Variants in PATJ observed in about 807,000 individuals in gnomAD.
PATJ encodes the protein inaD-like protein.
A neutral mutation model predicts 224.9 loss-of-function variants in PATJ; 190 were observed. The ratio of observed to expected loss-of-function variants is 0.84; its 90% CI spans 0.75 to 0.95. The LOEUF (loss-of-function observed/expected upper bound fraction) is 0.95. Ranked by LOEUF, PATJ falls within the 40% of genes least tolerant of loss-of-function variation. The probability of loss-of-function intolerance (pLI) is 0.00; values close to 1 mark genes in which losing one functional copy is unlikely to be tolerated. For missense variants in PATJ, 2,121 were observed against 2,270.3 expected (o/e 0.93, Z 1.34); for synonymous variants, 769 against 820.3 (o/e 0.94, Z 1.07).
chr1:62,102,216 G>A (rs549706367), intron 33 of PATJ, among the ~76,000 whole-genome samples: 16 of 145,542 alleles, frequency 1.1e-4, no homozygotes, highest in Non-Finnish European at 2.3e-4. Context: ...TAAATAAAAC[G>A]TTCAAAAGGA....
intron 13 of PATJ, among the ~76,000 whole-genome samples, chr1:61,805,865 T>C (rs1379828935): frequency 2.0e-5 from 3 of 152,246 alleles, no homozygotes; most frequent in Non-Finnish European, 2.9e-5. Flanking sequence ...TGCTGGCATT[T>C]TTATGATTGC....
At chr1:61,793,532 G>A (rs1189417963) in intron 9 of PATJ, among the ~76,000 whole-genome samples, 1 of 152,044 alleles carries the variant, frequency 6.6e-6, no homozygotes, top group African/African-American at 2.4e-5. Flanking sequence ...CTTGAGCCCA[G>A]GAGTTCAAGA....
chr1:61,814,547 T>TGTGTGTGTGTGTGTGCGC (rs370488022), intron 14 of PATJ, among the ~76,000 whole-genome samples: 178 of 142,554 alleles, frequency 1.2e-3, no homozygotes, highest in African/African-American at 4.5e-3. Flanking sequence ...TGTGTGTGTG[T>TGTGTGTGTGTGTGTGCGC]GCGCGCGCGC....
At chr1:62,045,438 T>C (rs370645530) in intron 30 of PATJ, among the ~76,000 whole-genome samples, 17 of 152,234 alleles carry the variant, frequency 1.1e-4, no homozygotes, top group African/African-American at 3.4e-4. Flanking sequence ...ATGTGGAAGA[T>C]TTTGGGAGAG....
intron 39 of PATJ, among the ~76,000 whole-genome samples, chr1:62,124,523 G>C (rs1005829569): frequency 6.6e-6 from 1 of 152,210 alleles, no homozygotes; most frequent in Admixed American, 6.5e-5. Context: ...TGATACCTCT[G>C]TTTGAAGGCA....
At chr1:62,053,240 T>C (rs1255090943) in intron 31 of PATJ, among the ~76,000 whole-genome samples, 1 of 152,226 alleles carries the variant, frequency 6.6e-6, no homozygotes. Context: ...CCCATACCCA[T>C]TGACTAGTGT....
intron 7 of PATJ, among the ~76,000 whole-genome samples, chr1:61,781,115 A>G (rs976418631): frequency 3.3e-5 from 5 of 152,200 alleles, no homozygotes; most frequent in Non-Finnish European, 7.3e-5. Context: ...GTGAGCCACA[A>G]AGTCAGGATT....
chr1:62,078,154 T>C (rs1658640059), intron 31 of PATJ, among the ~76,000 whole-genome samples: 2 of 152,238 alleles, frequency 1.3e-5, no homozygotes, highest in South Asian at 4.1e-4. Flanking sequence ...TACCAGACTC[T>C]TCCAGCTGGG....
rs1404312822 is a variant in PATJ, at chr1:61,797,347, G to A, written c.1321G>A (p.Ala441Thr). 7 of 1,613,864 alleles carry A rather than the reference G, an allele frequency of 4.3e-6. No individual in the cohort carries two copies. Among genetic ancestry groups the A allele is most frequent in the Non-Finnish European group, 5.9e-6 (7 of 1,179,846 alleles). Residue 441 changes from alanine to threonine, a missense_variant, in exon 11 of 44, where the codon GCA becomes ACA. Coordinates refer to ENST00000642238, the MANE Select transcript of PATJ (RefSeq NM_001350145.3). ...TGATGTTGTTGAAGTATTACGAAAT[G>A]CAGGGCAGGTGGTACACCTAACCCT... Reference protein sequence around the residue: ...NHDVVEVLRNAGQVVHLTLVR... With the variant: ...NHDVVEVLRNTGQVVHLTLVR...
chr1:61,794,681 T>C (rs772434695), intron 9 of PATJ, among the ~76,000 whole-genome samples: 21 of 151,992 alleles, frequency 1.4e-4, no homozygotes, highest in Non-Finnish European at 2.8e-4. Context: ...TTGTTGTTGT[T>C]GTTAAGACCA....
intron 24 of PATJ, among the ~76,000 whole-genome samples, chr1:61,903,700 T>C (rs1671495496): frequency 1.3e-5 from 2 of 152,134 alleles, no homozygotes; most frequent in South Asian, 4.2e-4. Flanking sequence ...TATTAGTTAC[T>C]TTTTGCCTTA....
At chr1:62,133,578 C>T (rs1006246895) in intron 41 of PATJ, among the ~76,000 whole-genome samples, 6 of 151,984 alleles carry the variant, frequency 3.9e-5, no homozygotes, top group South Asian at 2.1e-4. Flanking sequence ...GACACCGTCT[C>T]GAGAAAAAAG....
chr1:62,160,243 T>C (rs1669715507), intron 43 of PATJ, among the ~76,000 whole-genome samples: 1 of 152,158 alleles, frequency 6.6e-6, no homozygotes, highest in African/African-American at 2.4e-5. Flanking sequence ...TTTCACTGGC[T>C]TTGTGCCGTT....
At chr1:62,147,090 G>A (rs1160856651) in intron 41 of PATJ, among the ~76,000 whole-genome samples, 1 of 152,156 alleles carries the variant, frequency 6.6e-6, no homozygotes, top group African/African-American at 2.4e-5. Context: ...TGGATCTGGT[G>A]TTAGGTAAGC....
chr1:62,001,560 G>A (rs1055669030), intron 28 of PATJ, among the ~76,000 whole-genome samples: 2 of 151,078 alleles, frequency 1.3e-5, no homozygotes, highest in African/African-American at 4.9e-5. Context: ...TCTCTGTTTC[G>A]GTACCAGTAC....
At chr1:61,747,392 A>T (rs986884367) in intron 1 of PATJ, among the ~76,000 whole-genome samples, 23 of 152,126 alleles carry the variant, frequency 1.5e-4, no homozygotes, top group African/African-American at 5.5e-4. Context: ...GGAGACAAGG[A>T]ATTGGGTCCA....
chr1:61,773,274 G>A (rs994116398), intron 6 of PATJ, among the ~76,000 whole-genome samples: 3 of 151,736 alleles, frequency 2.0e-5, no homozygotes, highest in African/African-American at 7.3e-5. Context: ...TGCCCACCTC[G>A]GCTTCCAAAA....
chr1:62,157,728 G>A (rs1310580495), intron 43 of PATJ, among the ~76,000 whole-genome samples: 1 of 147,240 alleles, frequency 6.8e-6, no homozygotes, highest in Non-Finnish European at 1.5e-5. Context: ...CTACTCAGGA[G>A]GCTGAGGCAG....
intron 34 of PATJ, among the ~76,000 whole-genome samples, chr1:62,110,974 G>A (rs970727041): frequency 3.9e-5 from 6 of 152,246 alleles, no homozygotes; most frequent in East Asian, 3.9e-4. Flanking sequence ...TTCTAGCCAC[G>A]CCATGATATT....
Sources: allele counts gnomAD v4.1 joint callset (sites outside exome capture counted in the v4.1 genomes callset), GRCh38; gene constraint gnomAD v4.1.1; transcripts MANE v1.5; gene names NCBI Gene and HGNC (gene_info 2026-07-23, HGNC 2026-07-21).